PAK2: variants seen among roughly 807,000 people sequenced by gnomAD.
PAK2 encodes the protein serine/threonine-protein kinase PAK 2.
Under a neutral mutation model 65.9 loss-of-function variants are expected in PAK2, and 21 were observed. That is an observed-to-expected ratio of 0.32 (90% CI 0.23 to 0.46). PAK2 has a LOEUF of 0.46. PAK2 is among the 20% of genes least tolerant of loss of function. The probability of loss-of-function intolerance (pLI) is 1.00; values close to 1 mark genes in which losing one functional copy is unlikely to be tolerated. For missense variants in PAK2, 324 were observed against 642.6 expected, an observed-to-expected ratio of 0.50 and a Z score of 5.36; for synonymous variants, 204 against 219.7, an observed-to-expected ratio of 0.93 and a Z score of 0.63.
intron 1 of PAK2, among the ~76,000 whole-genome samples, chr3:196,764,985 C>T (rs1714111399): frequency 6.8e-6 from 1 of 146,588 alleles, no homozygotes; most frequent in Admixed American, 6.8e-5. Context: ...TGGGACACTA[C>T]AGGCACCCGC....
chr3:196,744,278 A>T (rs1713298967), intron 1 of PAK2, among the ~76,000 whole-genome samples: 1 of 152,250 alleles, frequency 6.6e-6, no homozygotes, highest in South Asian at 2.1e-4. Flanking sequence ...AACTTTTAAG[A>T]CAAAATTACC....
intron 8 of PAK2, 39 bp downstream of exon 8, chr3:196,810,692 T>G (rs757657484): frequency 4.9e-6 from 5 of 1,011,854 alleles, no homozygotes; most frequent in Non-Finnish European, 7.9e-6. Context: ...TATTCAGTAT[T>G]CAGTATTTCC....
chr3:196,793,576 T>C (rs2108749912), intron 2 of PAK2, among the ~76,000 whole-genome samples: 1 of 151,058 alleles, frequency 6.6e-6, no homozygotes, highest in South Asian at 2.1e-4. Context: ...AGAGGGAGAG[T>C]CCAAAACAAT....
At chr3:196,786,179 T>G (rs78802463) in intron 2 of PAK2, among the ~76,000 whole-genome samples, 1 of 151,876 alleles carries the variant, frequency 6.6e-6, no homozygotes, top group East Asian at 1.9e-4. Context: ...TTTTTTTTTT[T>G]TGAGATGGAG....
intron 2 of PAK2, among the ~76,000 whole-genome samples, chr3:196,783,197 G>A (rs1167945637): frequency 2.6e-5 from 4 of 152,102 alleles, no homozygotes; most frequent in Non-Finnish European, 5.9e-5. Context: ...CTGTGTTTTG[G>A]AATTAAGAGT....
intron 1 of PAK2, among the ~76,000 whole-genome samples, chr3:196,778,129 G>A (rs1399901958): frequency 2.0e-5 from 3 of 152,004 alleles, no homozygotes; most frequent in Non-Finnish European, 2.9e-5. Flanking sequence ...CCCCTGTTCC[G>A]GACATTTCAT....
chr3:196,753,492 C>T (rs1378726181), intron 1 of PAK2, among the ~76,000 whole-genome samples: 3 of 152,198 alleles, frequency 2.0e-5, no homozygotes, highest in Non-Finnish European at 4.4e-5. Flanking sequence ...CCACACCTGG[C>T]CTAATTATTT....
At chr3:196,745,107 TTG>T (rs1215440486) in intron 1 of PAK2, among the ~76,000 whole-genome samples, 1 of 142,096 alleles carries the variant, frequency 7.0e-6, no homozygotes, top group Non-Finnish European at 1.5e-5. Context: ...TTAATAATTA[TTG>T]TGTTTCAATC....
intron 1 of PAK2, among the ~76,000 whole-genome samples, chr3:196,773,997 C>T (rs760444223): frequency 6.6e-6 from 1 of 152,156 alleles, no homozygotes; most frequent in Non-Finnish European, 1.5e-5. Flanking sequence ...CACGCCACTG[C>T]ACTCCAGCCT....
chr3:196,764,736 C>G (rs186682788), intron 1 of PAK2, among the ~76,000 whole-genome samples: 1 of 151,848 alleles, frequency 6.6e-6, no homozygotes, highest in Admixed American at 6.6e-5. Flanking sequence ...CCAGGCTGGT[C>G]TCTAACTAGT....
chr3:196,766,825 C>A (rs923420130), intron 1 of PAK2, among the ~76,000 whole-genome samples: 1 of 143,858 alleles, frequency 7.0e-6, no homozygotes, highest in Non-Finnish European at 1.5e-5. Context: ...ATATGTATAT[C>A]AGATCATCAT....
At chr3:196,749,940 G>T (rs1030438514) in intron 1 of PAK2, among the ~76,000 whole-genome samples, 4 of 151,640 alleles carry the variant, frequency 2.6e-5, no homozygotes, top group African/African-American at 9.7e-5. Flanking sequence ...TCTCACCTCA[G>T]CCTCCAGAGT....
At chr3:196,750,696 C>T (rs556602499) in intron 1 of PAK2, among the ~76,000 whole-genome samples, 11 of 149,348 alleles carry the variant, frequency 7.4e-5, no homozygotes, top group African/African-American at 2.2e-4. Flanking sequence ...AAAGTGAATG[C>T]TTAAAACATA....
At position 196,814,506 on chromosome 3, in the gene PAK2, C is replaced by G; in HGVS notation, c.991C>G (p.Leu331Val). ...VVMEYLAGGS[L>V]TDVVTETCMD... ...CATGGAATACCTTGCTGGGGGGTCA[C>G]TCACTGATGTGGTAACAGAAACGTG... The change falls in exon 11 of 15, where the codon CTC (leucine) becomes GTC (valine). Residue 331 changes from leucine (L) to valine (V), a missense_variant. Around this residue, in one of 5 missense-constraint regions of PAK2, gnomAD observed 183 missense variants for 246.2 expected, o/e 0.74. Transcript: ENST00000327134. 1.3e-6 allele frequency: 2 copies of G among 1,564,404 alleles called. No homozygotes were observed. Among genetic ancestry groups the G allele is most frequent in the Non-Finnish European group, 1.8e-6 (2 of 1,140,502 alleles).
Position 196,804,072 on chromosome 3 carries a change from T to G in PAK2, c.436+908T>G, listed in dbSNP as rs189564153. 9.8e-5 allele frequency among the ~76,000 whole-genome samples: 15 copies of G among 152,302 alleles called. No individual in the cohort carries two copies. In the East Asian group the frequency reaches 2.9e-3, roughly 29 times the overall value. On this transcript the variant is annotated intron_variant, in intron 4 of 14. Coordinates refer to ENST00000327134, the MANE Select transcript of PAK2 (RefSeq NM_002577.4). ...ATCATTTGTCCTGTTTCCCTCAGTTTAGATTTTGCTCACTACATCCTCAGG... is the reference window on the plus strand; with the variant it reads ...ATCATTTGTCCTGTTTCCCTCAGTTGAGATTTTGCTCACTACATCCTCAGG...
At position 196,820,679 on chromosome 3, in the gene PAK2, C is replaced by T. The variant is rs1711614475; in HGVS notation, c.1350+112C>T. 2 of 525,514 alleles carry T rather than the reference C, an allele frequency of 3.8e-6. No individual in the cohort carries two copies. Among genetic ancestry groups the T allele is most frequent in the African/African-American group, 1.9e-5 (1 of 51,532 alleles). 32.6% of individuals were successfully genotyped at this position (525,514 alleles called of 1,614,324 possible). On this transcript the variant is annotated intron_variant, in intron 13 of 14. Coordinates refer to ENST00000327134, the MANE Select transcript of PAK2 (RefSeq NM_002577.4). This position sits in a 1 kb window ranked among gnomAD's most constrained non-coding sequence, Gnocchi z 4.6. ...ATTTAAAGTAGAAGGTTGATAAAAC[C>T]TAATCTCTGCCCCTAACTCTGCATC...
chr3:196,810,677 G>C, intron 8 of PAK2, 24 bp downstream of exon 8: 2 of 1,133,240 alleles, frequency 1.8e-6, no homozygotes, highest in Non-Finnish European at 2.7e-6. Flanking sequence ...ACTGTATTAC[G>C]ATAATATTCA....
intron 1 of PAK2, among the ~76,000 whole-genome samples, chr3:196,763,253 A>G (rs1215107474): frequency 1.3e-5 from 2 of 152,266 alleles, no homozygotes; most frequent in South Asian, 2.1e-4. Flanking sequence ...CTCTGATACA[A>G]AACTGCTCAA....
At chr3:196,790,839 C>G (rs1164191651) in intron 2 of PAK2, among the ~76,000 whole-genome samples, 1 of 152,178 alleles carries the variant, frequency 6.6e-6, no homozygotes, top group Non-Finnish European at 1.5e-5. Context: ...CCTGGTCGCC[C>G]CCACCCTGGA....
Sources: gnomAD v4.1 joint callset for allele counts (sites outside exome capture counted in the v4.1 genomes callset) on GRCh38, gnomAD v4.1.1 for gene constraint, gnomAD v4.1.1 regional missense constraint, Gnocchi (gnomAD v3.1) non-coding constraint, MANE v1.5 for transcripts, NCBI Gene and HGNC (gene_info 2026-07-23, HGNC 2026-07-21) for gene names.